Variants in NT5DC1 observed in about 807,000 individuals in gnomAD.
NT5DC1 encodes the protein 5'-nucleotidase domain containing 1.
Under a neutral mutation model 59.4 loss-of-function variants are expected in NT5DC1, and 42 were observed. The observed-to-expected ratio is 0.71, with a 90% CI of 0.55 to 0.92. The LOEUF (loss-of-function observed/expected upper bound fraction) is 0.92, where lower values mean the gene tolerates loss of function less well. NT5DC1 is among the 40% of genes least tolerant of loss of function. The probability of loss-of-function intolerance (pLI) is 0.00; values close to 1 mark genes in which losing one functional copy is unlikely to be tolerated. For missense variants in NT5DC1, 501 were observed against 537.1 expected (o/e 0.93, Z 0.66); for synonymous variants, 172 against 188.1 (o/e 0.91, Z 0.70).
At chr6:116,208,450 C>A (rs1297167370) in intron 6 of NT5DC1, among the ~76,000 whole-genome samples, 1 of 152,000 alleles carries the variant, frequency 6.6e-6, no homozygotes, top group Non-Finnish European at 1.5e-5. Flanking sequence ...TAAAACCTGT[C>A]CCAGGTTTTA....
At chr6:116,198,737 A>G (rs189569288) in intron 6 of NT5DC1, among the ~76,000 whole-genome samples, 36 of 151,706 alleles carry the variant, frequency 2.4e-4, no homozygotes, top group Non-Finnish European at 4.0e-4. Flanking sequence ...TCTAAACAAT[A>G]TTTTTTTAAA....
chr6:116,162,259 G>T (rs994365152), intron 6 of NT5DC1, among the ~76,000 whole-genome samples: 5 of 152,134 alleles, frequency 3.3e-5, no homozygotes, highest in Non-Finnish European at 5.9e-5. Context: ...CGATTTGGAT[G>T]CCTTTAATTT....
chr6:116,164,515 G>C (rs1780418200), intron 6 of NT5DC1, among the ~76,000 whole-genome samples: 2 of 152,080 alleles, frequency 1.3e-5, no homozygotes, highest in South Asian at 4.2e-4. Flanking sequence ...GCAGCAGATG[G>C]TTGAATCTTG....
At chr6:116,125,314 G>T in intron 6 of NT5DC1, 1 of 1,610,020 alleles carries the variant, frequency 6.2e-7, no homozygotes, top group South Asian at 1.1e-5. Context: ...CTTGTTAATA[G>T]AACAAAATAT....
At chr6:116,118,751 G>T (rs1192797543) in intron 6 of NT5DC1, among the ~76,000 whole-genome samples, 1 of 152,112 alleles carries the variant, frequency 6.6e-6, no homozygotes, top group Non-Finnish European at 1.5e-5. Flanking sequence ...TACAACTTTG[G>T]GGTGATTTTG....
Position 116,211,052 on chromosome 6 carries a change from A to G in NT5DC1, c.530-10002A>G, listed in dbSNP as rs186923731. 5.1e-3 allele frequency among the ~76,000 whole-genome samples: 780 copies of G among 152,178 alleles called. 7 individuals carry two copies. The highest frequency in any genetic ancestry group is 0.017 in the African/African-American group (721 of 41,548). On this transcript the variant is annotated intron_variant, in intron 6 of 11. Coordinates refer to ENST00000319550, the MANE Select transcript of NT5DC1 (RefSeq NM_152729.3). Reference sequence around the variant, plus strand: ...GTAAAATTCCTAAAACTAGGTCATAAGGAGCCTTGCAGCTTTTGCTTGTCT... The same window carrying G: ...GTAAAATTCCTAAAACTAGGTCATAGGGAGCCTTGCAGCTTTTGCTTGTCT...
chr6:116,244,284 C>G lies in NT5DC1; in HGVS notation c.*260C>G. 1 of 245,288 alleles carries G rather than the reference C, an allele frequency of 4.1e-6. No homozygotes were observed. Among genetic ancestry groups the G allele is most frequent in the Non-Finnish European group, 7.9e-6 (1 of 126,854 alleles). 15.2% of individuals were successfully genotyped at this position (245,288 alleles called of 1,614,324 possible). ...TGATTAGAATTCACCTGGGGACACA[C>G]ACTCACACGCACAGTCACTCTTACA... On this transcript the variant is annotated 3_prime_UTR_variant, in exon 12 of 12. Coordinates refer to ENST00000319550, the MANE Select transcript of NT5DC1 (RefSeq NM_152729.3).
chr6:116,142,717 T>C (rs1273041274), intron 6 of NT5DC1, among the ~76,000 whole-genome samples: 1 of 152,194 alleles, frequency 6.6e-6, no homozygotes, highest in African/African-American at 2.4e-5. Context: ...ATAGTGTTCT[T>C]CCAACCTTGA....
chr6:116,154,208 C>T (rs1484449378), intron 6 of NT5DC1, among the ~76,000 whole-genome samples: 1 of 151,854 alleles, frequency 6.6e-6, no homozygotes, highest in African/African-American at 2.4e-5. Flanking sequence ...AGTGTAAACA[C>T]TTAATTAAAA....
chr6:116,115,670 T>TA, intron 4 of NT5DC1, 21 bp from the exon 5 acceptor site: 1 of 1,293,558 alleles, frequency 7.7e-7, no homozygotes, highest in Non-Finnish European at 1.1e-6. Context: ...GTTCCCAGTT[T>TA]AAAATTTTGT....
intron 6 of NT5DC1, among the ~76,000 whole-genome samples, chr6:116,193,366 G>A (rs982492245): frequency 9.9e-5 from 15 of 152,044 alleles, no homozygotes; most frequent in Non-Finnish European, 1.9e-4. Context: ...GGAAGAGCCC[G>A]TGTGTTAGAA....
chr6:116,113,732 G>C (rs755290128), intron 4 of NT5DC1, among the ~76,000 whole-genome samples: 49 of 152,154 alleles, frequency 3.2e-4, no homozygotes, highest in Non-Finnish European at 6.2e-4. Context: ...TTAGAACTCA[G>C]CCCTTACTCA....
At chr6:116,226,976 G>A (rs936225336) in intron 8 of NT5DC1, among the ~76,000 whole-genome samples, 1 of 151,966 alleles carries the variant, frequency 6.6e-6, no homozygotes, top group African/African-American at 2.4e-5. Flanking sequence ...TTTTTTGTGT[G>A]TGTGGTAAGA....
intron 6 of NT5DC1, among the ~76,000 whole-genome samples, chr6:116,162,424 G>A (rs1383400645): frequency 6.6e-6 from 1 of 152,070 alleles, no homozygotes; most frequent in African/African-American, 2.4e-5. Flanking sequence ...GTCAAATATG[G>A]TTCTTAGTAT....
intron 6 of NT5DC1, among the ~76,000 whole-genome samples, chr6:116,174,997 G>A (rs1273344738): frequency 1.3e-5 from 2 of 152,104 alleles, no homozygotes; most frequent in Admixed American, 1.3e-4. Context: ...ATAATCATTA[G>A]TAAGGGATAT....
intron 6 of NT5DC1, among the ~76,000 whole-genome samples, chr6:116,220,600 A>G (rs1781779576): frequency 6.6e-6 from 1 of 152,106 alleles, no homozygotes; most frequent in African/African-American, 2.4e-5. Context: ...ACTCTGAGGA[A>G]CTCATCGCCC....
At chr6:116,167,206 A>ATTTTTTTTTTTTTTTTTTTTT (rs61348980) in intron 6 of NT5DC1, among the ~76,000 whole-genome samples, 2 of 87,796 alleles carry the variant, frequency 2.3e-5, no homozygotes, top group African/African-American at 4.9e-5. Flanking sequence ...CAAATAGAAG[A>ATTTTTTTTTTTTTTTTTTTTT]TTTTTTTTTT....
Position 116,238,357 on chromosome 6 carries a change from T to A in NT5DC1, c.1083+9T>A, listed in dbSNP as rs200858145. 11 of 1,546,118 alleles carry A rather than the reference T, an allele frequency of 7.1e-6. No individual in the cohort carries two copies. The East Asian group carries it at 2.6e-4, about 36-fold the overall frequency. On this transcript the variant is annotated intron_variant, in intron 10 of 11. Coordinates refer to ENST00000319550, the MANE Select transcript of NT5DC1 (RefSeq NM_152729.3). ...AGAAAGGAAAATATGAGGTAAGGGT[T>A]CCCTGCAGCTCTTTCCTTGAAAGAC...
At chr6:116,175,605 C>T (rs1191120468) in intron 6 of NT5DC1, among the ~76,000 whole-genome samples, 9 of 152,090 alleles carry the variant, frequency 5.9e-5, no homozygotes, top group African/African-American at 2.2e-4. Context: ...GTTCCTTCTC[C>T]CCCGACACAG....
Sources: gnomAD v4.1 joint callset for allele counts (sites outside exome capture counted in the v4.1 genomes callset) on GRCh38, gnomAD v4.1.1 for gene constraint, MANE v1.5 for transcripts, NCBI Gene and HGNC (gene_info 2026-07-23, HGNC 2026-07-21) for gene names.